ARHGAP28: variants seen among roughly 807,000 people sequenced by gnomAD.
ARHGAP28 encodes Rho GTPase activating protein 28.
In ARHGAP28, 56 loss-of-function variants were observed where a neutral mutation model predicts 90.7. The observed-to-expected ratio is 0.62, with a 90% CI of 0.50 to 0.77. The LOEUF is 0.77. Among genes scored for constraint, ARHGAP28 ranks in the 30% least tolerant of loss-of-function variants. The pLI is 0.00. For synonymous variants in ARHGAP28, 308 were observed against 323.3 expected (o/e 0.95, Z 0.51); for missense variants, 869 against 900.9 (o/e 0.96, Z 0.45).
intron 3 of ARHGAP28, among the ~76,000 whole-genome samples, chr18:6,847,628 G>T (rs200958737): frequency 1.5e-4 from 10 of 65,680 alleles, no homozygotes; most frequent in Middle Eastern, 6.5e-3. Context: ...AGAGAGAGTG[G>T]GGGTGTGTGT....
At chr18:6,841,193 C>CTCCTCTT (rs2056818427) in intron 3 of ARHGAP28, among the ~76,000 whole-genome samples, 4 of 61,298 alleles carry the variant, frequency 6.5e-5, no homozygotes, top group Admixed American at 3.2e-4. Context: ...CTCTCTCTCT[C>CTCCTCTT]TCTCTCTCTC....
chr18:6,804,647 T>G (rs976144313), intron 1 of ARHGAP28, among the ~76,000 whole-genome samples: 1 of 152,262 alleles, frequency 6.6e-6, no homozygotes, highest in African/African-American at 2.4e-5. Flanking sequence ...GTTTCATTTT[T>G]ATTTCTCTTT....
intron 7 of ARHGAP28, among the ~76,000 whole-genome samples, chr18:6,871,008 G>A (rs189822521): frequency 2.6e-5 from 4 of 152,192 alleles, no homozygotes; most frequent in Non-Finnish European, 5.9e-5. Context: ...CACCATGTTA[G>A]CCAGGATGGT....
rs181197885 is a variant in ARHGAP28 at position 6,914,399 on chromosome 18, C to G, written c.*2245C>G. 1.3e-5 allele frequency: 2 copies of G among 152,256 alleles called. No homozygotes were observed. Among genetic ancestry groups the G allele is most frequent in the African/African-American group, 4.8e-5 (2 of 41,564 alleles). 9.4% of individuals were successfully genotyped at this position (152,256 alleles called of 1,614,324 possible). On this transcript the variant is annotated 3_prime_UTR_variant, in exon 18 of 18. Transcript: ENST00000383472. ...GTATGTATGGAAGGCCATGTCAATA[C>G]TAGTATCATTGGATATAACTTTGAT...
chr18:6,793,151 A>G (rs1190657633), intron 1 of ARHGAP28, among the ~76,000 whole-genome samples: 1 of 152,184 alleles, frequency 6.6e-6, no homozygotes, highest in East Asian at 1.9e-4. Context: ...TACAGCTGCT[A>G]TTTCTTCATA....
intron 3 of ARHGAP28, among the ~76,000 whole-genome samples, chr18:6,841,171 TCTCTCTC>T (rs1433172255): frequency 7.0e-5 from 4 of 57,452 alleles, no homozygotes; most frequent in Non-Finnish European, 1.7e-4. Flanking sequence ...CTCTCTCCTC[TCTCTCTC>T]TCCTCTCTCT....
At chr18:6,857,083 A>G (rs938796963) in intron 4 of ARHGAP28, among the ~76,000 whole-genome samples, 1 of 152,242 alleles carries the variant, frequency 6.6e-6, no homozygotes, top group African/African-American at 2.4e-5. Context: ...AGAATAAAGT[A>G]TATAAATTGT....
In ARHGAP28 at chr18:6,915,701, A is replaced by AG. The variant is rs1162848584; in HGVS notation, c.*3548dup. On this transcript the variant is annotated 3_prime_UTR_variant, in exon 18 of 18. Coordinates refer to ENST00000383472, the MANE Select transcript of ARHGAP28 (RefSeq NM_001366230.1). ...TGCATTTTATCCATAAGAAATAAAG[A>AG]GAAAAAAACTAAAAACATTGTATGA... 6.6e-6 allele frequency: 1 copy of AG among 152,228 alleles called. No homozygotes were observed. Among genetic ancestry groups the AG allele is most frequent in the Non-Finnish European group, 1.5e-5 (1 of 68,048 alleles). The allele number at this position is 152,228 out of a possible 1,614,324, so 9.4% of individuals were successfully genotyped here. A position where few individuals can be genotyped will look rare whatever the true frequency, so the allele number is the denominator to read the frequency against.
chr18:6,841,191 C>T (rs1311054124), intron 3 of ARHGAP28, among the ~76,000 whole-genome samples: 3 of 65,944 alleles, frequency 4.5e-5, no homozygotes, highest in Non-Finnish European at 8.5e-5. Flanking sequence ...CTCTCTCTCT[C>T]TCTCTCTCTC....
At chr18:6,748,214 CA>C (rs1194799829) in intron 1 of ARHGAP28, among the ~76,000 whole-genome samples, 1 of 152,162 alleles carries the variant, frequency 6.6e-6, no homozygotes, top group East Asian at 1.9e-4. Context: ...CAACCTAAAT[CA>C]ACAAATATTC....
intron 1 of ARHGAP28, among the ~76,000 whole-genome samples, chr18:6,822,612 T>C (rs1476322570): frequency 6.6e-6 from 1 of 152,198 alleles, no homozygotes; most frequent in African/African-American, 2.4e-5. Flanking sequence ...CAGACAAAAC[T>C]AGCTAAAATT....
At chr18:6,830,410 G>T (rs573826369) in intron 2 of ARHGAP28, among the ~76,000 whole-genome samples, 4 of 151,910 alleles carry the variant, frequency 2.6e-5, no homozygotes, top group Non-Finnish European at 5.9e-5. Context: ...CACGTGCCAT[G>T]GTGTTTTGCT....
intron 3 of ARHGAP28, 55 bp downstream of exon 3, chr18:6,837,469 G>GT: frequency 6.4e-6 from 4 of 628,192 alleles, no homozygotes; most frequent in African/African-American, 3.9e-5. Flanking sequence ...TGGGGATGGG[G>GT]TAGGGTGGGG....
At chr18:6,757,347 A>G (rs997582926) in intron 1 of ARHGAP28, among the ~76,000 whole-genome samples, 2 of 152,184 alleles carry the variant, frequency 1.3e-5, no homozygotes, top group African/African-American at 2.4e-5. Context: ...GAAGGGAAAC[A>G]AATGAAATAA....
intron 1 of ARHGAP28, among the ~76,000 whole-genome samples, chr18:6,743,964 T>C (rs1446483744): frequency 6.6e-6 from 1 of 152,206 alleles, no homozygotes; most frequent in Non-Finnish European, 1.5e-5. Flanking sequence ...CTCTTATCTC[T>C]GTATCCTTAG....
intron 16 of ARHGAP28, chr18:6,897,948 G>A (rs976357383): frequency 7.2e-5 from 11 of 152,370 alleles, no homozygotes; most frequent in African/African-American, 2.4e-4. Context: ...AATAAGATAG[G>A]TAGGTTGTAT....
intron 4 of ARHGAP28, among the ~76,000 whole-genome samples, chr18:6,859,035 A>G (rs2056976260): frequency 6.6e-6 from 1 of 152,182 alleles, no homozygotes. Flanking sequence ...CAGTGGCACC[A>G]TACTACACTG....
intron 1 of ARHGAP28, among the ~76,000 whole-genome samples, chr18:6,822,632 C>T (rs11081275): frequency 2.0e-5 from 3 of 152,016 alleles, no homozygotes. Context: ...TCTTATCACA[C>T]AACACATAAA....
intron 10 of ARHGAP28, among the ~76,000 whole-genome samples, chr18:6,877,748 G>A (rs377129920): frequency 9.0e-4 from 137 of 152,226 alleles, no homozygotes; most frequent in African/African-American, 2.3e-3. Flanking sequence ...CGTGTGTTTC[G>A]TTCTTACATA....
Sources: allele counts gnomAD v4.1 joint callset (sites outside exome capture counted in the v4.1 genomes callset), GRCh38; gene constraint gnomAD v4.1.1; transcripts MANE v1.5; gene names NCBI Gene and HGNC (gene_info 2026-07-23, HGNC 2026-07-21).